The following ZNF292 variants were observed in gnomAD, a reference collection of about 807,000 sequenced individuals.
The protein encoded by ZNF292 is zinc finger protein 292.
A neutral mutation model predicts 217.9 loss-of-function variants in ZNF292; 26 were observed. The observed-to-expected ratio is 0.12, with a 90% CI of 0.09 to 0.17. The LOEUF (loss-of-function observed/expected upper bound fraction) is 0.17, where lower values mean the gene tolerates loss of function less well. Ranked by LOEUF, ZNF292 falls within the 10% of genes least tolerant of loss-of-function variation. The pLI is 1.00. For missense variants in ZNF292, 2,904 were observed against 3,175.2 expected (o/e 0.91, Z 2.05); for synonymous variants, 1,257 against 1,124.1 (o/e 1.12, Z -2.37).
At chr6:87,177,293 C>T (rs1208603423) in intron 1 of ZNF292, among the ~76,000 whole-genome samples, 3 of 151,208 alleles carry the variant, frequency 2.0e-5, no homozygotes, top group Admixed American at 6.6e-5. Context: ...CACCACTGTA[C>T]TCCAGCCTGG....
chr6:87,222,964 G>T (rs1294991839), intron 4 of ZNF292: 1 of 305,292 alleles, frequency 3.3e-6, no homozygotes, highest in Non-Finnish European at 6.8e-6. Context: ...GGGGTTATGG[G>T]TTTTGAGGAG....
intron 7 of ZNF292, among the ~76,000 whole-genome samples, chr6:87,253,387 C>A (rs1258267249): frequency 6.6e-6 from 1 of 151,896 alleles, no homozygotes; most frequent in African/African-American, 2.4e-5. Flanking sequence ...TACCACCACA[C>A]CTGGCTAATT....
intron 5 of ZNF292, among the ~76,000 whole-genome samples, chr6:87,237,128 G>C (rs1773942661): frequency 6.6e-6 from 1 of 152,106 alleles, no homozygotes; most frequent in Non-Finnish European, 1.5e-5. Flanking sequence ...TAGCCCAAGA[G>C]TTAATTTTGA....
intron 1 of ZNF292, among the ~76,000 whole-genome samples, chr6:87,215,486 T>C (rs1030219260): frequency 2.6e-5 from 4 of 152,160 alleles, no homozygotes; most frequent in African/African-American, 9.6e-5. Context: ...CATACATGAT[T>C]TATTTTGTTG....
At chr6:87,195,210 CTG>C (rs1413922039) in intron 1 of ZNF292, among the ~76,000 whole-genome samples, 3 of 152,128 alleles carry the variant, frequency 2.0e-5, no homozygotes, top group Non-Finnish European at 4.4e-5. Context: ...ATTAAAATAA[CTG>C]TGCAAAAGAT....
In ZNF292 at chr6:87,259,924, T is replaced by C; in HGVS notation, c.6295T>C (p.Ser2099Pro). 1 of 1,613,646 alleles carries C rather than the reference T, an allele frequency of 6.2e-7. No homozygotes were observed. Among genetic ancestry groups the C allele is most frequent in the South Asian group, 1.1e-5 (1 of 91,072 alleles). The change falls in exon 8 of 8, where the codon TCC becomes CCC. Residue 2099 changes from serine (S) to proline (P), a missense_variant. Ser to Pro is a moderately conservative substitution (Grantham distance 74). This residue lies in a region of ZNF292 where 261 missense variants were observed against 272.8 expected (regional missense o/e 0.96). Coordinates refer to ENST00000369577, the MANE Select transcript of ZNF292 (RefSeq NM_015021.3). The stretch of plus-strand genomic sequence containing the variant: ...GGAGAAAAAACGAAAGAAGCCAGTT[T>C]CCCAATCCCTTGAGTTTCCAACAAG... The part of the protein sequence containing the change: ...KEEKKRKKPV[S>P]QSLEFPTRYS...
rs779800348 is a variant in ZNF292, at chr6:87,255,119, T to G, written c.1490T>G (p.Leu497Arg). The stretch of plus-strand genomic sequence containing the variant: ...AGTAAAGAAACTTCTATGAATGGGC[T>G]TTCTGGTGGAGTTGGTGCTAATTCT... ...EESKETSMNG[L>R]SGGVGANSGL... The change falls in exon 8 of 8, where the codon CTT becomes CGT. Residue 497 changes from leucine to arginine, a missense_variant. Physicochemically the swap from Leu to Arg is moderately radical, Grantham distance 102. Transcript: ENST00000369577. The G allele has an allele frequency of 1.2e-6, 2 of 1,613,734 alleles. No homozygotes were observed. The highest frequency in any genetic ancestry group is 1.7e-5 in the Admixed American group (1 of 59,994).
rs76480069 is a variant in ZNF292 at position 87,232,625 on chromosome 6, C to T, written c.539-700C>T. Among the ~76,000 whole-genome samples the T allele has an allele frequency of 9.6e-3, 1,463 of 152,060 alleles. 34 individuals are homozygous for T. The highest frequency in any genetic ancestry group is 0.034 in the African/African-American group (1,415 of 41,510). On this transcript the variant is annotated intron_variant, in intron 4 of 7. Transcript: ENST00000369577. ...GACCAAACAAGCACTAGGGGATAGTCAGAGGTTTGAACAAAGTAGAAATGT... is the reference window on the plus strand; with the variant it reads ...GACCAAACAAGCACTAGGGGATAGTTAGAGGTTTGAACAAAGTAGAAATGT...
At chr6:87,230,152 A>G (rs1416516581) in intron 4 of ZNF292, among the ~76,000 whole-genome samples, 2 of 152,178 alleles carry the variant, frequency 1.3e-5, no homozygotes, top group Non-Finnish European at 2.9e-5. Context: ...ATAGATGGAA[A>G]TGTGGAGATG....
intron 5 of ZNF292, among the ~76,000 whole-genome samples, chr6:87,240,826 G>A (rs556029739): frequency 2.0e-5 from 3 of 152,314 alleles, no homozygotes; most frequent in Non-Finnish European, 4.4e-5. Flanking sequence ...GTAAAAATCT[G>A]TATTTAGCAG....
intron 1 of ZNF292, among the ~76,000 whole-genome samples, chr6:87,181,161 G>A (rs969285001): frequency 4.6e-5 from 7 of 152,130 alleles, no homozygotes; most frequent in African/African-American, 1.7e-4. Context: ...CAAGGAAGAG[G>A]GCCAGTGTGA....
chr6:87,225,405 A>G (rs1278975911), intron 4 of ZNF292, among the ~76,000 whole-genome samples: 1 of 152,022 alleles, frequency 6.6e-6, no homozygotes, highest in Non-Finnish European at 1.5e-5. Flanking sequence ...TCTTCCATGG[A>G]TCATGCTTTT....
chr6:87,178,046 C>CT (rs113770053), intron 1 of ZNF292, among the ~76,000 whole-genome samples: 12,384 of 151,814 alleles, frequency 0.082, 853 homozygotes, highest in African/African-American at 0.19. Flanking sequence ...TTAGTGTTTT[C>CT]TTTTTTTTAT....
At chr6:87,243,209 ATAGT>A (rs1259328388) in intron 5 of ZNF292, among the ~76,000 whole-genome samples, 2 of 151,708 alleles carry the variant, frequency 1.3e-5, no homozygotes, top group African/African-American at 4.8e-5. Context: ...AAATTCTTAA[ATAGT>A]TGGTTCTCCG....
In ZNF292 at chr6:87,155,614, A is replaced by C. The variant is rs748637202; in HGVS notation, c.23A>C (p.Gln8Pro). 2 of 1,582,804 alleles carry C rather than the reference A, an allele frequency of 1.3e-6. No homozygotes were observed. The highest frequency in any genetic ancestry group is 1.7e-6 in the Non-Finnish European group (2 of 1,165,618). Reference sequence around the variant, plus strand: ...AAGATGGCGGACGAAGAGGCCGAGCAGGAGAGGTTGAGTTGCGGCGAAGGC... The same window carrying C: ...AAGATGGCGGACGAAGAGGCCGAGCCGGAGAGGTTGAGTTGCGGCGAAGGC... Reference protein sequence around the residue: MADEEAEQERLSCGEGGC... With the variant: MADEEAEPERLSCGEGGC... Residue 8 changes from glutamine (Q) to proline (P), a missense_variant, in exon 1 of 8, where the codon CAG becomes CCG. Physicochemically the swap from Gln to Pro is moderately conservative, Grantham distance 76. Coordinates refer to ENST00000369577, the MANE Select transcript of ZNF292 (RefSeq NM_015021.3).
chr6:87,238,928 C>G (rs1359158104), intron 5 of ZNF292, among the ~76,000 whole-genome samples: 4 of 152,092 alleles, frequency 2.6e-5, no homozygotes, highest in Non-Finnish European at 2.9e-5. Flanking sequence ...CAAAGCACAT[C>G]TTGCACCGCC....
At chr6:87,157,454 G>A (rs1028626583) in intron 1 of ZNF292, among the ~76,000 whole-genome samples, 15 of 152,154 alleles carry the variant, frequency 9.9e-5, no homozygotes, top group African/African-American at 3.4e-4. Flanking sequence ...AGTCGAATCA[G>A]TTTTTATATA....
At chr6:87,239,869 T>G (rs1344791510) in intron 5 of ZNF292, among the ~76,000 whole-genome samples, 3 of 141,910 alleles carry the variant, frequency 2.1e-5, no homozygotes, top group East Asian at 2.2e-4. Context: ...CTTCCCAGAC[T>G]GGGCAGCCGG....
chr6:87,227,393 A>G (rs1186655699), intron 4 of ZNF292, among the ~76,000 whole-genome samples: 1 of 152,026 alleles, frequency 6.6e-6, no homozygotes, highest in African/African-American at 2.4e-5. Context: ...TTTTTTTTTG[A>G]CCAACAATGC....
Sources: allele counts gnomAD v4.1 joint callset (sites outside exome capture counted in the v4.1 genomes callset), GRCh38; gene constraint gnomAD v4.1.1; regional missense constraint gnomAD v4.1.1; transcripts MANE v1.5; gene names NCBI Gene and HGNC (gene_info 2026-07-23, HGNC 2026-07-21).